UNC5CL: variants seen among roughly 807,000 people sequenced by gnomAD.
UNC5CL encodes the protein UNC5C-like protein.
A neutral mutation model predicts 54.1 loss-of-function variants in UNC5CL; 42 were observed. The observed-to-expected ratio is 0.78, with a 90% CI of 0.61 to 1.00. The LOEUF (loss-of-function observed/expected upper bound fraction) is 1.00. Ranked by LOEUF, UNC5CL falls within the 50% of genes least tolerant of loss-of-function variation. UNC5CL has a pLI of 0.00. For missense variants in UNC5CL, 619 were observed against 675.6 expected, an observed-to-expected ratio of 0.92 and a Z score of 0.93; for synonymous variants, 285 against 285.1, an observed-to-expected ratio of 1.00 and a Z score of 0.00.
intron 1 of UNC5CL, among the ~76,000 whole-genome samples, chr6:41,036,168 A>T (rs763698240): frequency 6.6e-6 from 1 of 152,268 alleles, no homozygotes; most frequent in Non-Finnish European, 1.5e-5. Flanking sequence ...TAAAAAGAAC[A>T]GGAGAAATTA....
chr6:41,033,688 G>C (rs966316537), intron 3 of UNC5CL, 193 bp downstream of exon 3: 1 of 632,904 alleles, frequency 1.6e-6, no homozygotes, highest in Admixed American at 3.0e-5. Flanking sequence ...TTGCAGTCAT[G>C]GACATGATTG....
chr6:41,031,794 C>G (rs773423182), intron 5 of UNC5CL, 46 bp from the exon 6 acceptor site: 8 of 1,599,596 alleles, frequency 5.0e-6, no homozygotes, highest in Admixed American at 1.7e-5. Flanking sequence ...AGGAAACGGC[C>G]TGGGGTAAGA....
chr6:41,034,620 C>T, intron 2 of UNC5CL, 70 bp downstream of exon 2: 4 of 1,528,402 alleles, frequency 2.6e-6, no homozygotes, highest in Non-Finnish European at 3.5e-6. Context: ...GAACATTGCT[C>T]CCTCAGATGT....
chr6:41,034,232 T>C, intron 2 of UNC5CL, 51 bp from the exon 3 acceptor site: 1 of 1,543,798 alleles, frequency 6.5e-7, no homozygotes, highest in Non-Finnish European at 8.7e-7. Context: ...GGCACACCCC[T>C]GCCCCTGAAA....
Position 41,028,627 on chromosome 6 carries a change from G to T in UNC5CL, c.1335-32C>A. The T allele has an allele frequency of 6.3e-7, 1 of 1,598,930 alleles. No individual in the cohort carries two copies. The highest frequency in any genetic ancestry group is 1.1e-5 in the South Asian group (1 of 90,442). On this transcript the variant is annotated intron_variant, in intron 8 of 8. Coordinates refer to ENST00000244565, the MANE Select transcript of UNC5CL (RefSeq NM_173561.3). This position sits in a 1 kb window ranked among gnomAD's most constrained non-coding sequence, Gnocchi z 4.3. ...CGAGGTAGGGGAGGAAGAGAAGGGT[G>T]TAGGAGCAGGGAGGGGCTCCCCCCC...
At chr6:41,036,441 G>A (rs1762524774) in intron 1 of UNC5CL, among the ~76,000 whole-genome samples, 1 of 152,226 alleles carries the variant, frequency 6.6e-6, no homozygotes, top group South Asian at 2.1e-4. Flanking sequence ...AATTGAGAAG[G>A]TGGAAGGTGT....
intron 3 of UNC5CL, 41 bp downstream of exon 3, chr6:41,033,840 A>T (rs761702648): frequency 8.2e-6 from 13 of 1,588,142 alleles, no homozygotes; most frequent in Non-Finnish European, 9.4e-6. Flanking sequence ...CAGTCCTCAG[A>T]GAGATGGGTG....
chr6:41,038,248 C>T lies in UNC5CL; in HGVS notation c.-62+914G>A, dbSNP rs1275391337. Among the ~76,000 whole-genome samples the T allele has an allele frequency of 6.6e-5, 10 of 152,266 alleles. No homozygotes were observed. In the East Asian group the frequency reaches 1.9e-3, roughly 29 times the overall value. ...ACATCCTCAGTTATGTGGTAATACC[C>T]ACCCCACTACACCACACCCCCACCT... On this transcript the variant is annotated intron_variant, in intron 1 of 8. Transcript: ENST00000244565.
intron 3 of UNC5CL, among the ~76,000 whole-genome samples, chr6:41,033,475 T>C (rs1457500509): frequency 6.6e-6 from 1 of 152,112 alleles, no homozygotes; most frequent in Non-Finnish European, 1.5e-5. Flanking sequence ...CCTAGGACTC[T>C]AGAAAGACAA....
At chr6:41,032,793 C>T (rs1762470751) in intron 4 of UNC5CL, 91 bp downstream of exon 4, 3 of 1,448,558 alleles carry the variant, frequency 2.1e-6, no homozygotes, top group South Asian at 1.5e-5. Context: ...CTTGGGATCC[C>T]CAGATCTCCA....
In UNC5CL at chr6:41,030,425, G is replaced by C; in HGVS notation, c.1297C>G (p.Leu433Val). The change falls in exon 8 of 9, where the codon CTG becomes GTG. Residue 433 changes from leucine (L) to valine (V), a missense_variant. By Grantham distance (32) the Leu-to-Val change is conservative (BLOSUM62 1). Transcript: ENST00000244565. ...CCGCAAAGCCCCAGGTGGGAGGCCA[G>C]TCTGCGCCAGTCATTGCCGGTGATG... Reference protein sequence around the residue: ...NSITGNDWRRLASHLGLCGMK... With the variant: ...NSITGNDWRRVASHLGLCGMK... 4 of 1,614,150 alleles carry C rather than the reference G, an allele frequency of 2.5e-6. No individual in the cohort carries two copies. The highest frequency in any genetic ancestry group is 3.4e-6 in the Non-Finnish European group (4 of 1,180,020).
intron 1 of UNC5CL, among the ~76,000 whole-genome samples, chr6:41,038,660 C>A (rs1359278885): frequency 2.6e-5 from 4 of 152,220 alleles, no homozygotes; most frequent in Admixed American, 1.3e-4. Context: ...TTACCCACTC[C>A]TCCAGTCTGT....
chr6:41,031,618 GC>G, intron 6 of UNC5CL, 62 bp downstream of exon 6: 2 of 1,539,208 alleles, frequency 1.3e-6, no homozygotes, highest in South Asian at 1.1e-5. Context: ...CAGACCCTGT[GC>G]CCACTTTGCC....
chr6:41,031,899 G>T, intron 5 of UNC5CL, 137 bp downstream of exon 5: 2 of 1,217,504 alleles, frequency 1.6e-6, no homozygotes, highest in East Asian at 2.3e-5. Flanking sequence ...GATCTGTGTG[G>T]CTCCTGGCCT....
At position 41,031,809 on chromosome 6, in the gene UNC5CL, G is replaced by A. The variant is rs1762455971; in HGVS notation, c.1052-61C>T. On this transcript the variant is annotated intron_variant, in intron 5 of 8. Coordinates refer to ENST00000244565, the MANE Select transcript of UNC5CL (RefSeq NM_173561.3). ...AGGAAACGGCCTGGGGTAAGAGCAG[G>A]AGAAGGTAAGGGACTCTATAGTAAG... 2.4e-5 allele frequency: 38 copies of A among 1,553,056 alleles called. No individual in the cohort carries two copies. In the South Asian group the frequency reaches 3.7e-4, roughly 15 times the overall value.
rs145022009 is a variant in UNC5CL, at chr6:41,032,342, CT to C, written c.950-206del. Among the ~76,000 whole-genome samples the C allele has an allele frequency of 2.4e-3, 369 of 152,334 alleles. 2 individuals carry two copies. Among genetic ancestry groups the C allele is most frequent in the Middle Eastern group, 0.014 (4 of 294 alleles). On this transcript the variant is annotated intron_variant, in intron 4 of 8. Transcript: ENST00000244565. ...TTCCTGCTTCTGTGGGGTATAACCC[CT>C]CTCCTTCCCACCTGCCACCTGGCAT...
intron 7 of UNC5CL, 54 bp from the exon 8 acceptor site, chr6:41,030,555 G>T: frequency 1.9e-6 from 3 of 1,611,010 alleles, no homozygotes; most frequent in Non-Finnish European, 2.5e-6. Flanking sequence ...GACCCACTCT[G>T]GTTCTCCCAT....
In UNC5CL at chr6:41,034,129, G is replaced by T. The variant is rs147669667; in HGVS notation, c.438C>A (p.Asp146Glu). 15,057 of 1,613,678 alleles carry T rather than the reference G, an allele frequency of 9.3e-3. 94 individuals carry two copies. The highest frequency in any genetic ancestry group is 0.012 in the South Asian group (1,075 of 91,052). ...GGGACAGCGATGGGGCGTCCGACAG[G>T]TCCCACACCAGGATCAAAGACACCC... ...QERVSLILVWDLSDAPSLSQA... is the reference protein window; with the variant it reads ...QERVSLILVWELSDAPSLSQA... The change falls in exon 3 of 9, where the codon GAC becomes GAA. Residue 146 changes from aspartate to glutamate, a missense_variant. By Grantham distance (45) the Asp-to-Glu change is conservative. Coordinates refer to ENST00000244565, the MANE Select transcript of UNC5CL (RefSeq NM_173561.3).
At position 41,028,945 on chromosome 6, in the gene UNC5CL, C is replaced by CCTCCCCCCAGT; in HGVS notation, c.1335-351_1335-350insACTGGGGGGAG. On this transcript the variant is annotated intron_variant, in intron 8 of 8. Coordinates refer to ENST00000244565, the MANE Select transcript of UNC5CL (RefSeq NM_173561.3). This position sits in a 1 kb window ranked among gnomAD's most constrained non-coding sequence, Gnocchi z 4.3. ...TCCCCCACTCCAAATACACCCCTAG[C>CCTCCCCCCAGT]CTCCCCCTAGCCTCCTAACTCCCTC... 6.8e-6 allele frequency among the ~76,000 whole-genome samples: 1 copy of CCTCCCCCCAGT among 146,778 alleles called. No individual in the cohort carries two copies. The highest frequency in any genetic ancestry group is 6.8e-5 in the Admixed American group (1 of 14,708).
Sources: allele counts gnomAD v4.1 joint callset (sites outside exome capture counted in the v4.1 genomes callset), GRCh38; gene constraint gnomAD v4.1.1; non-coding constraint Gnocchi (gnomAD v3.1); transcripts MANE v1.5; gene names NCBI Gene and HGNC (gene_info 2026-07-23, HGNC 2026-07-21).